The following PTPRD variants were observed in gnomAD, a reference collection of about 807,000 sequenced individuals.
The protein encoded by PTPRD is receptor-type tyrosine-protein phosphatase delta.
In PTPRD, 34 loss-of-function variants were observed where a neutral mutation model predicts 214.5. The ratio of observed to expected loss-of-function variants is 0.16; its 90% CI spans 0.12 to 0.21. The LOEUF is 0.21. PTPRD is among the 10% of genes least tolerant of loss of function. The probability of loss-of-function intolerance (pLI) is 1.00; values close to 1 mark genes in which losing one functional copy is unlikely to be tolerated. For missense variants in PTPRD, 2,545 were observed against 2,398.7 expected (o/e 1.06, Z -1.27); for synonymous variants, 1,128 against 845.7 (o/e 1.33, Z -5.79).
chr9:8,761,713 T>C (rs1171347879), intron 11 of PTPRD, among the ~76,000 whole-genome samples: 1 of 152,094 alleles, frequency 6.6e-6, no homozygotes, highest in East Asian at 1.9e-4. Context: ...ATAATAACCA[T>C]GGTCAAGGAC....
At chr9:8,917,198 G>T (rs1458849113) in intron 11 of PTPRD, among the ~76,000 whole-genome samples, 1 of 148,624 alleles carries the variant, frequency 6.7e-6, no homozygotes, top group African/African-American at 2.5e-5. Context: ...GTGTGCTCTC[G>T]GCTCGCTGCA....
intron 9 of PTPRD, among the ~76,000 whole-genome samples, chr9:9,227,788 C>CCAT (rs2099960488): frequency 6.6e-6 from 1 of 152,094 alleles, no homozygotes; most frequent in Non-Finnish European, 1.5e-5. Context: ...TGTGAATGAG[C>CCAT]CATCTTGGAA....
At chr9:9,300,002 A>T (rs962793906) in intron 9 of PTPRD, among the ~76,000 whole-genome samples, 2 of 149,292 alleles carry the variant, frequency 1.3e-5, no homozygotes, top group Non-Finnish European at 3.0e-5. Flanking sequence ...ATTGTAAAAA[A>T]GTTTGTTACT....
chr9:10,443,185 A>C (rs2098772954), intron 2 of PTPRD, among the ~76,000 whole-genome samples: 1 of 151,548 alleles, frequency 6.6e-6, no homozygotes, highest in Non-Finnish European at 1.5e-5. Flanking sequence ...TCAGTTCACT[A>C]TAAAATGTTC....
chr9:9,409,976 A>G (rs1375490512), intron 8 of PTPRD, among the ~76,000 whole-genome samples: 1 of 152,184 alleles, frequency 6.6e-6, no homozygotes, highest in Non-Finnish European at 1.5e-5. Flanking sequence ...TCTGACTACC[A>G]TCTTTTACTA....
At position 9,689,752 on chromosome 9, in the gene PTPRD, G is replaced by A. The variant is rs143529562; in HGVS notation, c.-287+44781C>T. Among the ~76,000 whole-genome samples the A allele has an allele frequency of 2.2e-3, 333 of 151,962 alleles. 1 individual carries two copies. The highest frequency in any genetic ancestry group is 7.5e-3 in the African/African-American group (313 of 41,534). ...AAGAGTACAATATTTGTCTTTTTGTGTTTGGCTTATTTCACTGAACATAAT... is the reference window on the plus strand; with the variant it reads ...AAGAGTACAATATTTGTCTTTTTGTATTTGGCTTATTTCACTGAACATAAT... On this transcript the variant is annotated intron_variant, in intron 7 of 45. Transcript: ENST00000381196.
intron 3 of PTPRD, among the ~76,000 whole-genome samples, chr9:10,115,568 C>T (rs879657246): frequency 6.6e-6 from 1 of 152,050 alleles, no homozygotes; most frequent in Non-Finnish European, 1.5e-5. Context: ...TACTCACTTT[C>T]AAGGTTGATG....
chr9:8,637,941 A>T (rs974495198), intron 12 of PTPRD, among the ~76,000 whole-genome samples: 1 of 152,182 alleles, frequency 6.6e-6, no homozygotes, highest in African/African-American at 2.4e-5. Context: ...GCACACACAC[A>T]CAAAGATTGA....
intron 7 of PTPRD, among the ~76,000 whole-genome samples, chr9:9,678,391 A>T (rs909911854): frequency 1.3e-4 from 20 of 152,104 alleles, no homozygotes; most frequent in African/African-American, 4.3e-4. Flanking sequence ...ATGGAACAGA[A>T]CAAAGCCCTC....
intron 26 of PTPRD, among the ~76,000 whole-genome samples, chr9:8,495,697 G>A (rs748046182): frequency 1.3e-5 from 2 of 152,176 alleles, no homozygotes; most frequent in Non-Finnish European, 2.9e-5. Context: ...GGTGTGCATT[G>A]AATCATGACA....
At chr9:8,584,777 T>C (rs1564524493) in intron 14 of PTPRD, among the ~76,000 whole-genome samples, 1 of 152,142 alleles carries the variant, frequency 6.6e-6, no homozygotes, top group Non-Finnish European at 1.5e-5. Context: ...GGGTAATTTA[T>C]AAAGGAAAGA....
intron 11 of PTPRD, among the ~76,000 whole-genome samples, chr9:8,883,116 T>C (rs947416805): frequency 2.0e-5 from 3 of 152,144 alleles, no homozygotes; most frequent in Non-Finnish European, 2.9e-5. Flanking sequence ...TACCACTAAT[T>C]GAGCATCTAC....
intron 8 of PTPRD, among the ~76,000 whole-genome samples, chr9:9,454,108 TATGTAA>T (rs1588882128): frequency 6.6e-6 from 1 of 151,792 alleles, no homozygotes; most frequent in East Asian, 1.9e-4. Flanking sequence ...CAATGTTTAC[TATGTAA>T]AATGAGAAAA....
chr9:9,132,255 C>T lies in PTPRD; in HGVS notation c.-143+51049G>A, dbSNP rs561338260. Reference sequence around the variant, plus strand: ...CGATCTCCTGACCTTGTGATCCGCCCGCTTCGGCCTCCCAAATTGCTGGGA... The same window carrying T: ...CGATCTCCTGACCTTGTGATCCGCCTGCTTCGGCCTCCCAAATTGCTGGGA... On this transcript the variant is annotated intron_variant, in intron 10 of 45. Transcript: ENST00000381196. Among the ~76,000 whole-genome samples, 253 of 152,194 alleles carry T rather than the reference C, an allele frequency of 1.7e-3. 1 individual carries two copies. Among genetic ancestry groups the T allele is most frequent in the African/African-American group, 5.5e-3 (230 of 41,516 alleles).
intron 35 of PTPRD, among the ~76,000 whole-genome samples, chr9:8,427,508 C>G (rs1245503010): frequency 2.0e-5 from 3 of 152,084 alleles, no homozygotes; most frequent in Non-Finnish European, 4.4e-5. Context: ...ACGTGGCCAA[C>G]AGCATACCGA....
At chr9:8,934,256 A>T (rs2098973439) in intron 11 of PTPRD, among the ~76,000 whole-genome samples, 1 of 150,110 alleles carries the variant, frequency 6.7e-6, no homozygotes, top group African/African-American at 2.4e-5. Flanking sequence ...AAATAACATA[A>T]AATTAAGTGA....
rs2099804310 is a variant in PTPRD at position 9,110,339 on chromosome 9, G to A, written c.-143+72965C>T. Among the ~76,000 whole-genome samples the A allele has an allele frequency of 3.9e-5, 6 of 152,058 alleles. No homozygotes were observed. The South Asian group carries it at 1.0e-3, about 26-fold the overall frequency. ...CATCATCTGGGAGCATTATAGATATGCAAATTCTTGAGCCCCACCTCAGAA... is the reference window on the plus strand; with the variant it reads ...CATCATCTGGGAGCATTATAGATATACAAATTCTTGAGCCCCACCTCAGAA... On this transcript the variant is annotated intron_variant, in intron 10 of 45. Transcript: ENST00000381196.
At chr9:10,099,926 T>C (rs1045088441) in intron 3 of PTPRD, among the ~76,000 whole-genome samples, 1 of 151,736 alleles carries the variant, frequency 6.6e-6, no homozygotes, top group Non-Finnish European at 1.5e-5. Flanking sequence ...TCCTCTATAA[T>C]CTATGAATGC....
chr9:8,935,074 AAC>A (rs1303521277), intron 11 of PTPRD, among the ~76,000 whole-genome samples: 1 of 152,122 alleles, frequency 6.6e-6, no homozygotes, highest in Non-Finnish European at 1.5e-5. Flanking sequence ...TCTGTTGATA[AAC>A]ACAGACTGAT....
Sources: gnomAD v4.1 joint callset for allele counts (sites outside exome capture counted in the v4.1 genomes callset) on GRCh38, gnomAD v4.1.1 for gene constraint, MANE v1.5 for transcripts, NCBI Gene and HGNC (gene_info 2026-07-23, HGNC 2026-07-21) for gene names.